ANKRD11: variants seen among roughly 807,000 people sequenced by gnomAD.
ANKRD11 encodes ankyrin repeat domain 11.
A neutral mutation model predicts 195.7 loss-of-function variants in ANKRD11; 17 were observed. The observed-to-expected ratio is 0.09, with a 90% CI of 0.06 to 0.13. The LOEUF (loss-of-function observed/expected upper bound fraction) is 0.13, where lower values mean the gene tolerates loss of function less well. Ranked by LOEUF, ANKRD11 falls within the 10% of genes least tolerant of loss-of-function variation. ANKRD11 has a pLI of 1.00. For synonymous variants in ANKRD11, 1,953 were observed against 1,528.1 expected (o/e 1.28, Z -6.49); for missense variants, 3,735 against 3,566.1 (o/e 1.05, Z -1.21).
chr16:89,303,932 T>A (rs887377060), intron 4 of ANKRD11, among the ~76,000 whole-genome samples: 2 of 152,200 alleles, frequency 1.3e-5, no homozygotes, highest in African/African-American at 4.8e-5. Flanking sequence ...TGGCACAGCC[T>A]CTACGCCTTG....
chr16:89,315,947 C>T (rs1426191604), intron 3 of ANKRD11, among the ~76,000 whole-genome samples: 5 of 152,136 alleles, frequency 3.3e-5, no homozygotes, highest in African/African-American at 1.2e-4. Flanking sequence ...AGGTAGTGAC[C>T]TGGGGACCAG....
chr16:89,436,903 C>T (rs895092377), intron 1 of ANKRD11, among the ~76,000 whole-genome samples: 1 of 152,148 alleles, frequency 6.6e-6, no homozygotes, highest in Non-Finnish European at 1.5e-5. Flanking sequence ...CTTAAGCTAA[C>T]TGAATAAAAT....
intron 2 of ANKRD11, among the ~76,000 whole-genome samples, chr16:89,357,562 T>C (rs1441014579): frequency 1.3e-5 from 2 of 152,202 alleles, no homozygotes; most frequent in Non-Finnish European, 1.5e-5. Flanking sequence ...CAAAAGACAG[T>C]TGTACTTCGA....
rs569446093 is a variant in ANKRD11, at chr16:89,338,459, G to A, written c.-59-21381C>T. 2.0e-5 allele frequency among the ~76,000 whole-genome samples: 3 copies of A among 151,164 alleles called. No individual in the cohort carries two copies. In the South Asian group the frequency reaches 6.3e-4, roughly 32 times the overall value. ...AAAAAAAAAAAGGACCAGGCGCTGT[G>A]GCTCACACCTGTGTAATCCCAGCAC... is the stretch of plus-strand genomic sequence containing the variant. On this transcript the variant is annotated intron_variant, in intron 2 of 12. Coordinates refer to ENST00000301030, the MANE Select transcript of ANKRD11 (RefSeq NM_013275.6).
At chr16:89,396,095 G>C (rs959435937) in intron 2 of ANKRD11, 1 of 152,212 alleles carries the variant, frequency 6.6e-6, no homozygotes, top group Non-Finnish European at 1.5e-5. Flanking sequence ...TGCAAGTTCA[G>C]CCAGAACACC....
intron 3 of ANKRD11, chr16:89,313,610 A>G (rs1567627922): frequency 7.8e-7 from 1 of 1,288,054 alleles, no homozygotes; most frequent in African/African-American, 1.5e-5. Context: ...ATTGTTTTTG[A>G]TAACATAAAG....
chr16:89,345,909 C>T lies in ANKRD11; in HGVS notation c.-59-28831G>A, dbSNP rs139804687. Among the ~76,000 whole-genome samples the T allele has an allele frequency of 3.0e-3, 450 of 152,154 alleles. 2 individuals are homozygous for T. The highest frequency in any genetic ancestry group is 9.5e-3 in the African/African-American group (396 of 41,498). ...CTTTCACAAGAGAGCTAAGACGGTC[C>T]GACATTTATGCAAATAAAAGCCTCT... On this transcript the variant is annotated intron_variant, in intron 2 of 12. Coordinates refer to ENST00000301030, the MANE Select transcript of ANKRD11 (RefSeq NM_013275.6).
chr16:89,407,503 G>A (rs567981082), intron 2 of ANKRD11, among the ~76,000 whole-genome samples: 7 of 152,092 alleles, frequency 4.6e-5, no homozygotes, highest in Non-Finnish European at 7.3e-5. Flanking sequence ...GCTGTTGCAC[G>A]ACAGCCGCAC....
chr16:89,447,746 G>A (rs1407937049), intron 1 of ANKRD11, among the ~76,000 whole-genome samples: 1 of 148,630 alleles, frequency 6.7e-6, no homozygotes, highest in Non-Finnish European at 1.5e-5. Flanking sequence ...CCAACATCAT[G>A]TATTTATTAC....
At chr16:89,270,734 G>A in intron 12 of ANKRD11, 83 bp downstream of exon 12, 1 of 1,367,946 alleles carries the variant, frequency 7.3e-7, no homozygotes, top group Non-Finnish European at 1.0e-6. Flanking sequence ...CCCCCAGGCA[G>A]CGCAAAGGGG....
At chr16:89,275,002 C>T (rs371485455) in intron 10 of ANKRD11, 45 bp from the exon 11 acceptor site, 2 of 1,612,516 alleles carry the variant, frequency 1.2e-6, no homozygotes, top group Non-Finnish European at 1.7e-6. Context: ...CAGCCACGCT[C>T]CAGGCCCCAC....
intron 2 of ANKRD11, among the ~76,000 whole-genome samples, chr16:89,350,513 A>G (rs2039159150): frequency 6.6e-6 from 1 of 152,190 alleles, no homozygotes; most frequent in Non-Finnish European, 1.5e-5. Flanking sequence ...ACCCAGATCA[A>G]TCTCAAAAGG....
chr16:89,363,559 C>T (rs1027069027), intron 2 of ANKRD11, among the ~76,000 whole-genome samples: 1 of 152,140 alleles, frequency 6.6e-6, no homozygotes, highest in African/African-American at 2.4e-5. Flanking sequence ...GTTCACAATT[C>T]TGAGTCCAGA....
At position 89,281,666 on chromosome 16, in the gene ANKRD11, G is replaced by A; in HGVS notation, c.4876C>T (p.Pro1626Ser). The A allele has an allele frequency of 1.2e-6, 2 of 1,614,154 alleles. No individual in the cohort carries two copies. The highest frequency in any genetic ancestry group is 1.7e-6 in the Non-Finnish European group (2 of 1,180,020). ...CCCTTCTTCCGCCCGTCGTCTGCCG[G>A]CTTCGCCTTCTCCTTGAGCTTGGGG... ...GDPKLKEKAKPADDGRKKGLD... is the reference protein window; with the variant it reads ...GDPKLKEKAKSADDGRKKGLD... Residue 1626 changes from proline to serine, a missense_variant, in exon 9 of 13, where the codon CCG becomes TCG. Pro to Ser is a moderately conservative substitution (Grantham distance 74). Transcript: ENST00000301030. This position sits in a 1 kb window ranked among gnomAD's most constrained non-coding sequence, Gnocchi z 5.5.
At chr16:89,449,792 T>C (rs2043983730) in intron 1 of ANKRD11, among the ~76,000 whole-genome samples, 1 of 151,848 alleles carries the variant, frequency 6.6e-6, no homozygotes, top group African/African-American at 2.4e-5. Flanking sequence ...AAACTCCATC[T>C]CAAAAAAAAG....
chr16:89,298,464 T>A (rs906440823), intron 4 of ANKRD11: 1 of 152,296 alleles, frequency 6.6e-6, no homozygotes, highest in African/African-American at 2.4e-5. Flanking sequence ...ATGAAAGGGC[T>A]GAGAGGCACA....
chr16:89,382,875 T>C (rs1017484357), intron 2 of ANKRD11, among the ~76,000 whole-genome samples: 3 of 151,398 alleles, frequency 2.0e-5, no homozygotes, highest in Non-Finnish European at 4.4e-5. Flanking sequence ...AGTTTCACTC[T>C]TGTTGCCCAG....
At chr16:89,356,780 CAAA>C (rs58470031) in intron 2 of ANKRD11, among the ~76,000 whole-genome samples, 2 of 103,982 alleles carry the variant, frequency 1.9e-5, no homozygotes, top group Non-Finnish European at 1.9e-5. Context: ...GACTCCGTCT[CAAA>C]AAAAAAAAAA....
chr16:89,307,839 C>T (rs1787277497), intron 3 of ANKRD11, among the ~76,000 whole-genome samples: 1 of 152,244 alleles, frequency 6.6e-6, no homozygotes, highest in Non-Finnish European at 1.5e-5. Context: ...CACTCCTGGC[C>T]CAGGGGGTGG....
Sources: allele counts gnomAD v4.1 joint callset (sites outside exome capture counted in the v4.1 genomes callset), GRCh38; gene constraint gnomAD v4.1.1; non-coding constraint Gnocchi (gnomAD v3.1); transcripts MANE v1.5; gene names NCBI Gene and HGNC (gene_info 2026-07-23, HGNC 2026-07-21).